Variants in TGFBRAP1 observed in about 807,000 individuals in gnomAD.
TGFBRAP1 encodes transforming growth factor beta receptor associated protein 1, also known as transforming growth factor-beta receptor-associated protein 1.
TGFBRAP1 carries 20 observed loss-of-function variants against 83.2 expected under a neutral mutation model. The observed-to-expected ratio is 0.24, with a 90% CI of 0.17 to 0.35. The LOEUF is 0.35. TGFBRAP1 is among the 10% of genes least tolerant of loss of function. The probability of loss-of-function intolerance (pLI) is 1.00; values close to 1 mark genes in which losing one functional copy is unlikely to be tolerated. For missense variants in TGFBRAP1, 950 were observed against 1,099.4 expected (o/e 0.86, Z 1.92); for synonymous variants, 415 against 459.8 (o/e 0.90, Z 1.25).
At chr2:105,278,753 C>T (rs990899008) in intron 6 of TGFBRAP1, among the ~76,000 whole-genome samples, 3 of 152,082 alleles carry the variant, frequency 2.0e-5, no homozygotes, top group African/African-American at 7.2e-5. Context: ...GGCACACTCT[C>T]AAGATATTGA....
At chr2:105,291,700 T>C (rs549311991) in intron 4 of TGFBRAP1, among the ~76,000 whole-genome samples, 2 of 152,304 alleles carry the variant, frequency 1.3e-5, no homozygotes, top group East Asian at 3.9e-4. Flanking sequence ...ACTTCACTTA[T>C]GTGAGATTCC....
chr2:105,292,582 G>A (rs1202792219), intron 4 of TGFBRAP1, among the ~76,000 whole-genome samples: 1 of 151,710 alleles, frequency 6.6e-6, no homozygotes, highest in Non-Finnish European at 1.5e-5. Context: ...GGGAGGCAGA[G>A]AGAGAGACAC....
chr2:105,291,764 G>C (rs1677924800), intron 4 of TGFBRAP1, among the ~76,000 whole-genome samples: 1 of 152,184 alleles, frequency 6.6e-6, no homozygotes. Context: ...GCCTGGGCCG[G>C]GTGCGGAGGG....
chr2:105,308,408 T>G, intron 1 of TGFBRAP1, 90 bp from the exon 2 acceptor site: 1 of 1,259,134 alleles, frequency 7.9e-7, no homozygotes, highest in Non-Finnish European at 1.1e-6. Context: ...TCCCTAGTTG[T>G]CATTTTCATT....
chr2:105,290,211 T>G (rs1235828730), intron 4 of TGFBRAP1, among the ~76,000 whole-genome samples: 1 of 152,140 alleles, frequency 6.6e-6, no homozygotes, highest in Non-Finnish European at 1.5e-5. Context: ...GAATTACAGG[T>G]GCATGCCATC....
chr2:105,309,878 G>A (rs1473824560), intron 1 of TGFBRAP1, among the ~76,000 whole-genome samples: 1 of 152,078 alleles, frequency 6.6e-6, no homozygotes, highest in East Asian at 1.9e-4. Context: ...CTTATGAATG[G>A]CATTAGTGCC....
intron 2 of TGFBRAP1, 105 bp from the exon 3 acceptor site, chr2:105,298,810 C>T: frequency 9.5e-7 from 1 of 1,056,556 alleles, no homozygotes; most frequent in Non-Finnish European, 1.3e-6. Flanking sequence ...CAGCAATTTT[C>T]CTGTACAGTC....
intron 8 of TGFBRAP1, 145 bp from the exon 9 acceptor site, chr2:105,273,835 T>C (rs1677242440): frequency 1.9e-6 from 2 of 1,036,312 alleles, no homozygotes; most frequent in Admixed American, 3.0e-5. Context: ...GCTTTTTGTA[T>C]GTCAATCATA....
rs77588203 is a variant in TGFBRAP1 at position 105,308,088 on chromosome 2, G to T, written c.214C>A (p.His72Asn). 22 of 1,613,784 alleles carry T rather than the reference G, an allele frequency of 1.4e-5. No homozygotes were observed. Among genetic ancestry groups the T allele is most frequent in the African/African-American group, 6.7e-5 (5 of 74,910 alleles). ...TTCACGGGCTTCTTGAAGCCCAAGT[G>T]TCTCTGCAGCTGTTTGGTGGCAGTG... is the stretch of plus-strand genomic sequence containing the variant. ...TFTATKQLQR[H>N]LGFKKPVNEL... Residue 72 changes from histidine (H) to asparagine (N), a missense_variant, in exon 2 of 12, where the codon CAC becomes AAC. Physicochemically the swap from His to Asn is moderately conservative, Grantham distance 68. Transcript: ENST00000393359.
chr2:105,277,929 C>T (rs1677403560), intron 6 of TGFBRAP1, among the ~76,000 whole-genome samples: 1 of 152,176 alleles, frequency 6.6e-6, no homozygotes, highest in African/African-American at 2.4e-5. Context: ...GTGTGGGGCA[C>T]ACATCTGTAG....
chr2:105,316,462 T>TGTGTGTGTGCGCGCGCGCGCGC (rs1177329674), intron 1 of TGFBRAP1, among the ~76,000 whole-genome samples: 1 of 84,816 alleles, frequency 1.2e-5, no homozygotes. Context: ...TGTGTGTGTG[T>TGTGTGTGTGCGCGCGCGCGCGC]GCGCGCGCGC....
At chr2:105,302,883 C>A (rs1410983002) in intron 2 of TGFBRAP1, among the ~76,000 whole-genome samples, 2 of 152,218 alleles carry the variant, frequency 1.3e-5, no homozygotes, top group Non-Finnish European at 2.9e-5. Flanking sequence ...GACTTTAAAA[C>A]ACAGTAATTT....
At chr2:105,312,237 AGAT>A (rs1412318670) in intron 1 of TGFBRAP1, among the ~76,000 whole-genome samples, 2 of 152,170 alleles carry the variant, frequency 1.3e-5, no homozygotes, top group African/African-American at 2.4e-5. Context: ...CCAGGCAGGA[AGAT>A]CACTTGTGCC....
intron 6 of TGFBRAP1, 123 bp downstream of exon 6, chr2:105,280,259 A>G: frequency 1.9e-6 from 2 of 1,026,308 alleles, no homozygotes; most frequent in South Asian, 3.3e-5. Flanking sequence ...GCAGTCACCT[A>G]TAGGTACTTG....
chr2:105,298,812 T>C (rs758873130), intron 2 of TGFBRAP1, 107 bp from the exon 3 acceptor site: 7 of 1,035,466 alleles, frequency 6.8e-6, no homozygotes, highest in Non-Finnish European at 9.4e-6. Flanking sequence ...GCAATTTTCC[T>C]GTACAGTCTT....
chr2:105,251,894 T>C, the TGFBRAP1 span, among the ~76,000 whole-genome samples: 3 of 149,900 alleles, frequency 2.0e-5, no homozygotes, highest in Non-Finnish European at 3.0e-5. Flanking sequence ...CAGGGTTGAA[T>C]GGATTAAGGG....
chr2:105,278,088 GTGTGTGT>G, intron 6 of TGFBRAP1, among the ~76,000 whole-genome samples: 1 of 148,808 alleles, frequency 6.7e-6, no homozygotes, highest in Non-Finnish European at 1.5e-5. Context: ...GTGTGTGTGT[GTGTGTGT>G]GTGTGTGTGT....
In TGFBRAP1 at chr2:105,324,252, A is replaced by G. The variant is rs556757587; in HGVS notation, c.-18+5373T>C. 3.3e-5 allele frequency: 5 copies of G among 152,352 alleles called. No homozygotes were observed. In the South Asian group the frequency reaches 1.0e-3, roughly 32 times the overall value. The allele number at this position is 152,352 out of a possible 1,614,324, so 9.4% of individuals were successfully genotyped here. A position where few individuals can be genotyped will look rare whatever the true frequency, so the allele number is the denominator to read the frequency against. On this transcript the variant is annotated intron_variant, in intron 1 of 11. Transcript: ENST00000393359. ...CAAAAGAGGAAGCTGGGTAAAGTGTATTCATGAATTCTGCACTATTTTGCA... is the reference window on the plus strand; with the variant it reads ...CAAAAGAGGAAGCTGGGTAAAGTGTGTTCATGAATTCTGCACTATTTTGCA...
intron 1 of TGFBRAP1, among the ~76,000 whole-genome samples, chr2:105,317,905 T>G (rs1678935492): frequency 6.6e-6 from 1 of 152,152 alleles, no homozygotes; most frequent in Non-Finnish European, 1.5e-5. Flanking sequence ...GCACCTGGAA[T>G]TTGCAAATTA....
Sources: gnomAD v4.1 joint callset for allele counts (sites outside exome capture counted in the v4.1 genomes callset) on GRCh38, gnomAD v4.1.1 for gene constraint, MANE v1.5 for transcripts, NCBI Gene and HGNC (gene_info 2026-07-23, HGNC 2026-07-21) for gene names.